The following GRIN2A variants were observed in gnomAD, a reference collection of about 807,000 sequenced individuals.
GRIN2A encodes the protein glutamate ionotropic receptor NMDA type subunit 2A.
GRIN2A carries 22 observed loss-of-function variants against 113.4 expected under a neutral mutation model. That is an observed-to-expected ratio of 0.19 (90% CI 0.14 to 0.28). The LOEUF is 0.28. GRIN2A is among the 10% of genes least tolerant of loss of function. GRIN2A has a pLI of 1.00. For missense variants in GRIN2A, 1,502 were observed against 1,887.0 expected (o/e 0.80, Z 3.78); for synonymous variants, 827 against 738.4 (o/e 1.12, Z -1.94).
chr16:9,967,497 G>C (rs1015986913), intron 2 of GRIN2A, among the ~76,000 whole-genome samples: 2 of 152,220 alleles, frequency 1.3e-5, no homozygotes, highest in Non-Finnish European at 2.9e-5. Context: ...CTTGAGGTCA[G>C]GAGTTTGAGA....
chr16:9,870,259 A>G (rs960211256), intron 4 of GRIN2A, among the ~76,000 whole-genome samples: 2 of 152,252 alleles, frequency 1.3e-5, no homozygotes, highest in Admixed American at 6.5e-5. Flanking sequence ...CATTAATTTC[A>G]TAACTATAAA....
At chr16:9,797,251 G>C (rs1049365443) in intron 11 of GRIN2A, among the ~76,000 whole-genome samples, 2 of 152,204 alleles carry the variant, frequency 1.3e-5, no homozygotes, top group Non-Finnish European at 2.9e-5. Context: ...CCTCTGGCTT[G>C]AGCCTTTCTA....
chr16:10,180,044 G>C lies in GRIN2A; in HGVS notation c.368C>G (p.Pro123Arg). 6.2e-7 allele frequency: 1 copy of C among 1,613,914 alleles called. No homozygotes were observed. The highest frequency in any genetic ancestry group is 8.5e-7 in the Non-Finnish European group (1 of 1,179,792). Reference protein sequence around the residue: ...LDFISSHTFVPILGIHGGASM... With the variant: ...LDFISSHTFVRILGIHGGASM... ...TGCGCCCCCATGAATGCCCAAGATG[G>C]GGACGAAGGTGTGGGAGGAGATAAA... The change falls in exon 2 of 13, where the codon CCC becomes CGC. Residue 123 changes from proline to arginine, a missense_variant. Transcript: ENST00000330684. The surrounding 1 kb of genome is among the most constrained non-coding windows in gnomAD (Gnocchi z 7.0).
At chr16:9,818,489 A>G (rs758198826) in intron 10 of GRIN2A, among the ~76,000 whole-genome samples, 4 of 152,080 alleles carry the variant, frequency 2.6e-5, no homozygotes, top group Non-Finnish European at 4.4e-5. Flanking sequence ...TAAAATCTGC[A>G]TGGAAAAAAA....
intron 3 of GRIN2A, among the ~76,000 whole-genome samples, chr16:9,919,023 G>C (rs1028881517): frequency 6.6e-6 from 1 of 151,842 alleles, no homozygotes; most frequent in African/African-American, 2.4e-5. Context: ...AAATACAAAA[G>C]TTAGCCAGGC....
intron 2 of GRIN2A, among the ~76,000 whole-genome samples, chr16:9,999,309 T>C (rs1338448543): frequency 1.3e-5 from 2 of 152,152 alleles, no homozygotes; most frequent in African/African-American, 4.8e-5. Context: ...TAAACAGCAT[T>C]TTGTAATCTC....
chr16:9,835,838 G>T (rs949737024), intron 7 of GRIN2A, among the ~76,000 whole-genome samples: 1 of 152,090 alleles, frequency 6.6e-6, no homozygotes, highest in Non-Finnish European at 1.5e-5. Flanking sequence ...TAATATGTCC[G>T]AACTTAACTT....
At chr16:10,011,914 G>C (rs779415372) in intron 2 of GRIN2A, among the ~76,000 whole-genome samples, 8 of 152,106 alleles carry the variant, frequency 5.3e-5, no homozygotes, top group Non-Finnish European at 5.9e-5. Context: ...TATAACTCTT[G>C]TCTCTGCAGA....
At position 9,838,608 on chromosome 16, in the gene GRIN2A, G is replaced by C. The variant is rs544012986; in HGVS notation, c.1651+2039C>G. On this transcript the variant is annotated intron_variant, in intron 7 of 12. Coordinates refer to ENST00000330684, the MANE Select transcript of GRIN2A (RefSeq NM_001134407.3). ...GATGGGTATGTAGATGCTGAATAAA[G>C]GTTTATGGGCTGATTTAAATTAACT... 2.0e-5 allele frequency among the ~76,000 whole-genome samples: 3 copies of C among 152,164 alleles called. No individual in the cohort carries two copies. The South Asian group carries it at 6.2e-4, about 32-fold the overall frequency.
intron 3 of GRIN2A, among the ~76,000 whole-genome samples, chr16:9,929,153 C>A (rs1161839863): frequency 6.6e-6 from 1 of 152,208 alleles, no homozygotes; most frequent in Non-Finnish European, 1.5e-5. Context: ...CCTGAGTCAT[C>A]ATTCTCCCCT....
chr16:10,015,255 AAAAAAAAAAAAAAAAAG>A lies in GRIN2A; in HGVS notation c.415-76721_415-76705del, dbSNP rs1489301473. On this transcript the variant is annotated intron_variant, in intron 2 of 12. Coordinates refer to ENST00000330684, the MANE Select transcript of GRIN2A (RefSeq NM_001134407.3). ...GCAACAGAGCAAGACTTCATCTCAA[AAAAAAAAAAAAAAAAAG>A]AAAAAAAAAAAGAAAAAGAAAGGAA... 3.7e-3 allele frequency among the ~76,000 whole-genome samples: 489 copies of A among 130,612 alleles called. 5 individuals carry two copies. The highest frequency in any genetic ancestry group is 0.014 in the African/African-American group (448 of 32,764). The allele number at this position is 130,612 out of a possible 152,430, so 85.7% of individuals were successfully genotyped here.
intron 3 of GRIN2A, among the ~76,000 whole-genome samples, chr16:9,925,280 C>T (rs2044439105): frequency 6.6e-6 from 1 of 152,228 alleles, no homozygotes; most frequent in South Asian, 2.1e-4. Context: ...GTACTCAACT[C>T]AGTGCCCATG....
Position 10,121,018 on chromosome 16 carries a change from G to C in GRIN2A, c.414+58980C>G, listed in dbSNP as rs368383244. Among the ~76,000 whole-genome samples the C allele has an allele frequency of 9.9e-5, 15 of 152,226 alleles. No individual in the cohort carries two copies. In the East Asian group the frequency reaches 2.9e-3, roughly 29 times the overall value. On this transcript the variant is annotated intron_variant, in intron 2 of 12. Transcript: ENST00000330684. ...TTCTAATTCAAAAGCCCACATTTAA[G>C]CTCATCCTTTCAAACCCAGCCACAG...
chr16:10,162,027 C>T (rs912081421), intron 2 of GRIN2A, among the ~76,000 whole-genome samples: 1 of 152,198 alleles, frequency 6.6e-6, no homozygotes, highest in African/African-American at 2.4e-5. Context: ...TTAGTATTCA[C>T]AGGTTCCAGG....
At chr16:10,033,133 C>T (rs547254665) in intron 2 of GRIN2A, among the ~76,000 whole-genome samples, 87 of 152,298 alleles carry the variant, frequency 5.7e-4, no homozygotes, top group African/African-American at 2.0e-3. Flanking sequence ...TCTGACACCC[C>T]CACCTACCAA....
intron 2 of GRIN2A, among the ~76,000 whole-genome samples, chr16:10,048,779 G>A (rs2047304586): frequency 6.6e-6 from 1 of 152,010 alleles, no homozygotes; most frequent in Non-Finnish European, 1.5e-5. Context: ...GGCTCAAAAT[G>A]TCTCAACCCA....
chr16:9,918,824 A>G (rs1003598513), intron 3 of GRIN2A, among the ~76,000 whole-genome samples: 1 of 1,020 alleles, frequency 9.8e-4, no homozygotes, highest in Non-Finnish European at 9.4e-3. Flanking sequence ...GTTGCAATGA[A>G]AAAAAAAAAA....
intron 2 of GRIN2A, among the ~76,000 whole-genome samples, chr16:10,022,798 C>T (rs751546169): frequency 2.0e-5 from 3 of 152,020 alleles, no homozygotes; most frequent in Non-Finnish European, 4.4e-5. Context: ...TTAATAAGAC[C>T]CCGTTTCTTT....
At chr16:9,817,950 G>T (rs1391990009) in intron 10 of GRIN2A, among the ~76,000 whole-genome samples, 1 of 152,062 alleles carries the variant, frequency 6.6e-6, no homozygotes, top group Non-Finnish European at 1.5e-5. Flanking sequence ...AGCAGATGAG[G>T]TTACCTTCTT....
Sources: allele counts gnomAD v4.1 joint callset (sites outside exome capture counted in the v4.1 genomes callset), GRCh38; gene constraint gnomAD v4.1.1; non-coding constraint Gnocchi (gnomAD v3.1); transcripts MANE v1.5; gene names NCBI Gene and HGNC (gene_info 2026-07-23, HGNC 2026-07-21).